The following CXorf58 variants were observed in gnomAD, a reference collection of about 807,000 sequenced individuals.
CXorf58 encodes the protein uncharacterized protein CXorf58.
CXorf58 carries 24 observed loss-of-function variants against 26.0 expected under a neutral mutation model. The observed-to-expected ratio is 0.92, with a 90% confidence interval of 0.67 to 1.30. CXorf58 has a LOEUF of 1.30. Among genes scored for constraint, CXorf58 ranks in the 50% most tolerant of loss-of-function variants. CXorf58 has a pLI of 0.00. For missense variants in CXorf58, 236 were observed against 263.9 expected, an observed-to-expected ratio of 0.89 and a Z score of 0.73; for synonymous variants, 87 against 86.1, an observed-to-expected ratio of 1.01 and a Z score of -0.06.
At chrX:23,910,492 T>C in intron 2 of CXorf58, 74 bp downstream of exon 2, 1 of 528,386 alleles carries the variant, frequency 1.9e-6, no homozygotes, top group Non-Finnish European at 3.2e-6. Flanking sequence ...TTCAGATAAC[T>C]TCAAATGCTT....
intron 8 of CXorf58, 34 bp from the exon 9 acceptor site, chrX:23,939,210 A>T (rs1928365198): frequency 9.6e-7 from 1 of 1,036,480 alleles, no homozygotes. Flanking sequence ...CCAAATATAT[A>T]ACACTTCCTA....
intron 6 of CXorf58, among the ~76,000 whole-genome samples, chrX:23,929,505 A>G (rs1171396183): frequency 2.7e-5 from 3 of 111,843 alleles, no homozygotes; most frequent in South Asian, 3.7e-4. Context: ...ACTCTCTTCA[A>G]TTCTATGAAG....
intron 1 of CXorf58, among the ~76,000 whole-genome samples, chrX:23,908,849 A>G (rs1035339238): frequency 1.8e-5 from 2 of 112,260 alleles, no homozygotes; most frequent in African/African-American, 3.2e-5. Flanking sequence ...TCATTGCTGC[A>G]AGGAGAACGC....
At chrX:23,910,783 T>TTC (rs1927557180) in intron 2 of CXorf58, among the ~76,000 whole-genome samples, 1 of 98,294 alleles carries the variant, frequency 1.0e-5, no homozygotes, top group African/African-American at 3.8e-5. Flanking sequence ...TTTTTTTTTT[T>TTC]CAGACAGAGT....
At position 23,938,598 on chromosome X, in the gene CXorf58, T is replaced by G; in HGVS notation, c.837T>G (p.Asn279Lys). ...QPLYRPYKQQ[N>K]QVKFLGRRSK... is the part of the protein sequence containing the mutation. ...TATATCGGCCCTACAAACAGCAAAATCAAGTTAAATTTCTGGGTCGTCGAT... is the reference window on the plus strand; with the variant it reads ...TATATCGGCCCTACAAACAGCAAAAGCAAGTTAAATTTCTGGGTCGTCGAT... The change falls in exon 8 of 9, where the codon AAT (asparagine) becomes AAG (lysine). Residue 279 changes from asparagine (N) to lysine (K), a missense_variant. By Grantham distance (94) the Asn-to-Lys change is moderately conservative (BLOSUM62 0). Coordinates refer to ENST00000379211, the MANE Select transcript of CXorf58 (RefSeq NM_152761.3). 5 of 1,198,302 alleles carry G rather than the reference T, an allele frequency of 4.2e-6. No individual in the cohort carries two copies. Among genetic ancestry groups the G allele is most frequent in the Non-Finnish European group, 5.6e-6 (5 of 888,225 alleles).
Position 23,910,422 on chromosome X carries a change from A to G in CXorf58, c.116+4A>G, listed in dbSNP as rs776863884. 5.8e-6 allele frequency: 6 copies of G among 1,034,282 alleles called. No homozygotes were observed. The East Asian group carries it at 1.8e-4, about 31-fold the overall frequency. 85.2% of individuals were successfully genotyped at this position (1,034,282 alleles called of 1,213,427 possible). On this transcript the variant is annotated splice_donor_region_variant and intron_variant, in intron 2 of 8. Coordinates refer to ENST00000379211, the MANE Select transcript of CXorf58 (RefSeq NM_152761.3). ...GAAATGCAAGATCATTACTATCGTA[A>G]GTACCTGTGTTTTGCCTTGTGTTAT...
At position 23,925,857 on chromosome X, in the gene CXorf58, C is replaced by T. The variant is rs1927998765; in HGVS notation, c.424-1382C>T. Among the ~76,000 whole-genome samples the T allele has an allele frequency of 3.1e-5, 3 of 95,292 alleles. No individual in the cohort carries two copies. The South Asian group carries it at 1.6e-3, about 50-fold the overall frequency. The allele number at this position is 95,292 out of a possible 115,157, so 82.7% of individuals were successfully genotyped here. Reference sequence around the variant, plus strand: ...AGGCTGGAGTACAGTGGCATGATCTCGGCTCACTGCAACCTCCGCCTCCTG... The same window carrying T: ...AGGCTGGAGTACAGTGGCATGATCTTGGCTCACTGCAACCTCCGCCTCCTG... On this transcript the variant is annotated intron_variant, in intron 5 of 8. Transcript: ENST00000379211.
rs1232138758 is a variant in CXorf58 at position 23,911,983 on chromosome X, GCT to G, written c.216+130_216+131del. The G allele has an allele frequency of 4.0e-5, 20 of 495,403 alleles. No homozygotes were observed. In the Admixed American group the frequency reaches 6.7e-4, roughly 17 times the overall value. 40.8% of individuals were successfully genotyped at this position (495,403 alleles called of 1,213,427 possible). A position where few individuals can be genotyped will look rare whatever the true frequency, so the allele number is the denominator to read the frequency against. On this transcript the variant is annotated intron_variant, in intron 3 of 8. Transcript: ENST00000379211. ...TTTTTTTTTTTTGAGAGGGAGTCTG[GCT>G]CTTTCACCCAGGCTGGAGTGCAGTG...
In CXorf58 at chrX:23,910,363, CAA is replaced by C; in HGVS notation, c.65_66del (p.Lys22SerfsTer20). ...GILKSGTRSL[Q>X]KVRRVHFANA... Reference sequence around the variant, plus strand: ...TCTGAAATCAGGTACAAGATCCTTACAAAAAGTTCGCAGAGTACATTTCGCAA... The same window carrying C: ...TCTGAAATCAGGTACAAGATCCTTACAAAGTTCGCAGAGTACATTTCGCAA... On this transcript the variant is annotated frameshift_variant, in exon 2 of 9. Transcript: ENST00000379211. LOFTEE classifies it high-confidence loss of function. 8.4e-7 allele frequency: 1 copy of C among 1,196,058 alleles called. No individual in the cohort carries two copies. Among genetic ancestry groups the C allele is most frequent in the Middle Eastern group, 2.5e-4 (1 of 3,945 alleles).
intron 6 of CXorf58, among the ~76,000 whole-genome samples, chrX:23,932,247 A>C (rs778352399): frequency 2.7e-5 from 3 of 112,308 alleles, no homozygotes; most frequent in Non-Finnish European, 5.6e-5. Flanking sequence ...CTTCAGTATG[A>C]AGTTTTTTTT....
rs751521432 is a variant in CXorf58 at position 23,927,226 on chromosome X, A to G, written c.424-13A>G. ...CTACTATTTTTAAAGTCTATTTTCT[A>G]TTCTTTTTACAGGCAGTGGATGATG... On this transcript the variant is annotated splice_polypyrimidine_tract_variant and intron_variant, in intron 5 of 8. Transcript: ENST00000379211. The G allele has an allele frequency of 7.1e-6, 8 of 1,119,951 alleles. No individual in the cohort carries two copies. Among genetic ancestry groups the G allele is most frequent in the East Asian group, 3.2e-5 (1 of 30,785 alleles). The allele number at this position is 1,119,951 out of a possible 1,213,427, so 92.3% of individuals were successfully genotyped here. A position where few individuals can be genotyped will look rare whatever the true frequency, so the allele number is the denominator to read the frequency against.
In CXorf58 at chrX:23,908,270, T is replaced by C. The variant is rs1469662914; in HGVS notation, c.-80T>C. On this transcript the variant is annotated 5_prime_UTR_variant, in exon 1 of 9. An upstream start codon of the reference 5' UTR is lost. Transcript: ENST00000379211. ...CTCAGGTTTTAAATTTAAACTAATA[T>C]GCTGTGTCCTTTAATCGGAAAAGGC... 1 of 113,060 alleles carries C rather than the reference T, an allele frequency of 8.8e-6. No individual in the cohort carries two copies. Among genetic ancestry groups the C allele is most frequent in the East Asian group, 2.8e-4 (1 of 3,614 alleles). The allele number at this position is 113,060 out of a possible 1,213,427, so 9.3% of individuals were successfully genotyped here.
intron 3 of CXorf58, among the ~76,000 whole-genome samples, chrX:23,913,295 C>G (rs1482732803): frequency 9.0e-6 from 1 of 110,526 alleles, no homozygotes. Flanking sequence ...ATTATCCTGC[C>G]TCCGCCTCCC....
intron 7 of CXorf58, among the ~76,000 whole-genome samples, chrX:23,937,174 C>A (rs1928313030): frequency 9.0e-6 from 1 of 111,450 alleles, no homozygotes; most frequent in Non-Finnish European, 1.9e-5. Flanking sequence ...TGGAAGGCAG[C>A]CAAAACAGTG....
chrX:23,925,892 G>A (rs1350356407), intron 5 of CXorf58, among the ~76,000 whole-genome samples: 3 of 99,365 alleles, frequency 3.0e-5, no homozygotes, highest in African/African-American at 7.5e-5. Flanking sequence ...GGGTTCAAGC[G>A]ATTCTCCTGC....
intron 5 of CXorf58, 105 bp downstream of exon 5, chrX:23,916,433 C>T (rs1426514266): frequency 2.5e-6 from 1 of 397,699 alleles, no homozygotes; most frequent in Non-Finnish European, 4.2e-6. Flanking sequence ...CACCATGAAA[C>T]AGCCCACCAG....
intron 2 of CXorf58, among the ~76,000 whole-genome samples, chrX:23,911,205 A>G (rs1927570327): frequency 9.0e-6 from 1 of 111,031 alleles, no homozygotes; most frequent in South Asian, 3.7e-4. Context: ...GACCCCTACA[A>G]TCTGCCAGTG....
rs1346831797 is a variant in CXorf58, at chrX:23,938,601, A to G, written c.840A>G (p.Gln280=). The change falls in exon 8 of 9, where the codon CAA becomes CAG. Residue 280 remains glutamine, a synonymous_variant. Coordinates refer to ENST00000379211, the MANE Select transcript of CXorf58 (RefSeq NM_152761.3). ...PLYRPYKQQN[Q]VKFLGRRSKQ... Reference sequence around the variant, plus strand: ...ATCGGCCCTACAAACAGCAAAATCAAGTTAAATTTCTGGGTCGTCGATCCA... The same window carrying G: ...ATCGGCCCTACAAACAGCAAAATCAGGTTAAATTTCTGGGTCGTCGATCCA... 1.7e-6 allele frequency: 2 copies of G among 1,197,184 alleles called. No homozygotes were observed. Among genetic ancestry groups the G allele is most frequent in the Admixed American group, 2.3e-5 (1 of 43,459 alleles).
intron 1 of CXorf58, 21 bp from the exon 2 acceptor site, chrX:23,910,262 G>T: frequency 2.4e-6 from 2 of 826,875 alleles, no homozygotes; most frequent in South Asian, 2.1e-5. Context: ...GACCTCAAAG[G>T]GTTAATTTAT....
Sources: gnomAD v4.1 joint callset for allele counts (sites outside exome capture counted in the v4.1 genomes callset) on GRCh38, gnomAD v4.1.1 for gene constraint, MANE v1.5 for transcripts, NCBI Gene and HGNC (gene_info 2026-07-23, HGNC 2026-07-21) for gene names.